The following AKAP19 variants were observed in gnomAD, a reference collection of about 807,000 sequenced individuals.
The protein encoded by AKAP19 is small A-kinase anchoring protein.
At chr2:189,989,676 G>A in the AKAP19 span, among the ~76,000 whole-genome samples, 1 of 152,040 alleles carries the variant, frequency 6.6e-6, no homozygotes, top group Non-Finnish European at 1.5e-5. Context: ...CAAATATGGA[G>A]ATTATTTTAA....
chr2:190,131,054 A>G, the AKAP19 span, among the ~76,000 whole-genome samples: 97 of 152,332 alleles, frequency 6.4e-4, no homozygotes, highest in Non-Finnish European at 1.3e-3. Flanking sequence ...TCCTTGTAAC[A>G]GGGCTCCTGA....
chr2:189,904,999 C>T, the AKAP19 span, among the ~76,000 whole-genome samples: 1 of 151,938 alleles, frequency 6.6e-6, no homozygotes, highest in Non-Finnish European at 1.5e-5. Flanking sequence ...CTTCACTTTT[C>T]TATCCAACAG....
the AKAP19 span, among the ~76,000 whole-genome samples, chr2:189,983,026 G>T: frequency 6.6e-6 from 1 of 152,248 alleles, no homozygotes; most frequent in South Asian, 2.1e-4. Context: ...CCTGGGTTAG[G>T]CTAATGTTGA....
chr2:190,175,378 G>T, the AKAP19 span, among the ~76,000 whole-genome samples: 2 of 152,092 alleles, frequency 1.3e-5, no homozygotes, highest in Non-Finnish European at 2.9e-5. Context: ...ATAGACTGAT[G>T]GTATAGTTGA....
At chr2:190,021,539 A>G in the AKAP19 span, among the ~76,000 whole-genome samples, 2 of 152,206 alleles carry the variant, frequency 1.3e-5, no homozygotes, top group Non-Finnish European at 2.9e-5. Context: ...TTTGATTGCA[A>G]GGAGTGCAGT....
At chr2:190,118,494 C>A in the AKAP19 span, among the ~76,000 whole-genome samples, 1 of 152,196 alleles carries the variant, frequency 6.6e-6, no homozygotes, top group African/African-American at 2.4e-5. Flanking sequence ...CCAAATCCAG[C>A]AGCACATCAA....
At chr2:189,923,290 C>G in the AKAP19 span, 1 of 1,534,500 alleles carries the variant, frequency 6.5e-7, no homozygotes, top group African/African-American at 1.4e-5. Flanking sequence ...TCTTCTCCCT[C>G]CCCTTCTTGT....
chr2:190,075,827 A>T, the AKAP19 span, among the ~76,000 whole-genome samples: 1 of 152,018 alleles, frequency 6.6e-6, no homozygotes, highest in East Asian at 1.9e-4. Context: ...TAGATTATTT[A>T]CATTTAATGT....
At chr2:189,938,141 GC>G in the AKAP19 span, among the ~76,000 whole-genome samples, 1 of 152,178 alleles carries the variant, frequency 6.6e-6, no homozygotes, top group East Asian at 1.9e-4. Flanking sequence ...TTCGAGACCA[GC>G]CTGGGCAACA....
the AKAP19 span, among the ~76,000 whole-genome samples, chr2:189,888,568 C>CA: frequency 3.9e-5 from 6 of 152,180 alleles, no homozygotes; most frequent in African/African-American, 1.4e-4. Flanking sequence ...TCTTCCTATT[C>CA]ATGAGCATGG....
At chr2:190,036,469 TTC>T in the AKAP19 span, among the ~76,000 whole-genome samples, 1 of 152,214 alleles carries the variant, frequency 6.6e-6, no homozygotes, top group African/African-American at 2.4e-5. Context: ...TTAAAATAGA[TTC>T]TTTTTAAATT....
the AKAP19 span, among the ~76,000 whole-genome samples, chr2:189,985,679 T>A: frequency 6.6e-6 from 1 of 152,320 alleles, no homozygotes; most frequent in Non-Finnish European, 1.5e-5. Context: ...AGAACTTCCC[T>A]GATAAGAACT....
the AKAP19 span, among the ~76,000 whole-genome samples, chr2:190,191,502 G>A: frequency 1.3e-5 from 2 of 152,138 alleles, no homozygotes; most frequent in African/African-American, 2.4e-5. Flanking sequence ...AAATTTCTAG[G>A]AGTGGGATTG....
chr2:189,930,918 CT>C, the AKAP19 span: 1 of 718,272 alleles, frequency 1.4e-6, no homozygotes, highest in Non-Finnish European at 2.5e-6. Context: ...CCTGATACGG[CT>C]TAGTTCCCTC....
At chr2:189,944,272 G>A in the AKAP19 span, among the ~76,000 whole-genome samples, 2 of 152,200 alleles carry the variant, frequency 1.3e-5, no homozygotes, top group Admixed American at 6.5e-5. Flanking sequence ...GTGATAGTGA[G>A]CTCTCATGAG....
the AKAP19 span, chr2:190,062,641 CT>C: frequency 6.3e-7 from 1 of 1,587,658 alleles, no homozygotes; most frequent in South Asian, 1.1e-5. Context: ...TTGTTTCTTC[CT>C]TTTACTTTTC....
chr2:190,047,520 A>G, the AKAP19 span, among the ~76,000 whole-genome samples: 4 of 152,036 alleles, frequency 2.6e-5, no homozygotes, highest in Non-Finnish European at 5.9e-5. Context: ...CTTTACTTTT[A>G]CTGTTTACTT....
the AKAP19 span, among the ~76,000 whole-genome samples, chr2:190,177,525 A>G: frequency 2.0e-5 from 3 of 152,186 alleles, no homozygotes; most frequent in African/African-American, 7.2e-5. This position sits in a 1 kb window ranked among gnomAD's most constrained non-coding sequence, Gnocchi z 4.6. Flanking sequence ...CACTGCTTAG[A>G]GTACTTTTAG....
At chr2:190,168,748 A>G in the AKAP19 span, among the ~76,000 whole-genome samples, 25 of 152,186 alleles carry the variant, frequency 1.6e-4, no homozygotes, top group Non-Finnish European at 3.5e-4. Context: ...ACATAACAAG[A>G]GTCACTTTTG....
Sources: gnomAD v4.1 joint callset for allele counts (sites outside exome capture counted in the v4.1 genomes callset) on GRCh38, gnomAD v4.1.1 for gene constraint, Gnocchi (gnomAD v3.1) non-coding constraint, MANE v1.5 for transcripts, NCBI Gene and HGNC (gene_info 2026-07-23, HGNC 2026-07-21) for gene names.